The following VAPB variants were observed in gnomAD, a reference collection of about 807,000 sequenced individuals.
VAPB encodes VAMP associated protein B and C, also known as vesicle-associated membrane protein-associated protein B/C.
VAPB carries 7 observed loss-of-function variants against 25.6 expected under a neutral mutation model. That is an observed-to-expected ratio of 0.27 (90% CI 0.16 to 0.51). VAPB has a LOEUF of 0.51. Among genes scored for constraint, VAPB ranks in the 20% least tolerant of loss-of-function variants. The pLI is 0.97. For synonymous variants in VAPB, 112 were observed against 109.2 expected (o/e 1.03, Z -0.16); for missense variants, 266 against 301.3 (o/e 0.88, Z 0.87).
At chr20:58,430,269 A>T (rs1455188232) in intron 2 of VAPB, among the ~76,000 whole-genome samples, 2 of 147,366 alleles carry the variant, frequency 1.4e-5, no homozygotes, top group African/African-American at 5.1e-5. Context: ...TTTGAGGTGG[A>T]GTCTCTGTCG....
intron 1 of VAPB, among the ~76,000 whole-genome samples, chr20:58,394,156 A>G (rs1226793641): frequency 1.3e-5 from 2 of 152,236 alleles, no homozygotes; most frequent in Non-Finnish European, 2.9e-5. Flanking sequence ...GAGGGCACCA[A>G]TGAATCAGTG....
At chr20:58,435,436 A>T (rs1989022088) in intron 3 of VAPB, among the ~76,000 whole-genome samples, 1 of 152,172 alleles carries the variant, frequency 6.6e-6, no homozygotes, top group Non-Finnish European at 1.5e-5. Flanking sequence ...TTGTCCTTAC[A>T]GTTCAGGAAA....
intron 1 of VAPB, among the ~76,000 whole-genome samples, chr20:58,391,663 G>A (rs1987801862): frequency 6.6e-6 from 1 of 152,104 alleles, no homozygotes. Flanking sequence ...TGAGTAGCTG[G>A]GATTACATAC....
At chr20:58,441,214 C>G in intron 5 of VAPB, 131 bp downstream of exon 5, 1 of 1,021,480 alleles carries the variant, frequency 9.8e-7, no homozygotes. Flanking sequence ...TTTTTTCTCC[C>G]CAGGGAGAAA....
Position 58,450,102 on chromosome 20 carries a change from T to C in VAPB, c.*5867T>C. On this transcript the variant is annotated 3_prime_UTR_variant, in exon 6 of 6. Coordinates refer to ENST00000475243, the MANE Select transcript of VAPB (RefSeq NM_004738.5). ...TTGACTTGCCGGTTTTTCCATGTCA[T>C]ACAAAAAAGTCCTGGCTGTTTCTCC... The C allele has an allele frequency of 2.2e-6, 1 of 454,134 alleles. No homozygotes were observed. Among genetic ancestry groups the C allele is most frequent in the Non-Finnish European group, 4.4e-6 (1 of 226,782 alleles). The allele number at this position is 454,134 out of a possible 1,614,324, so 28.1% of individuals were successfully genotyped here. A position where few individuals can be genotyped will look rare whatever the true frequency, so the allele number is the denominator to read the frequency against.
chr20:58,449,103 C>T lies in VAPB; in HGVS notation c.*4868C>T, dbSNP rs74748993. On this transcript the variant is annotated 3_prime_UTR_variant, in exon 6 of 6. Transcript: ENST00000475243. ...AGTAATAGAAGCCCCTGATAAGGAG[C>T]GTCAGCCGACAGGCAAGCTTGGGAG... 26,787 of 454,006 alleles carry T rather than the reference C, an allele frequency of 0.059. 1,183 individuals are homozygous for T. The highest frequency in any genetic ancestry group is 0.085 in the Non-Finnish European group (19,275 of 226,750). The allele number at this position is 454,006 out of a possible 1,614,324, so 28.1% of individuals were successfully genotyped here.
intron 1 of VAPB, among the ~76,000 whole-genome samples, chr20:58,397,340 A>G (rs1987984853): frequency 6.6e-6 from 1 of 151,796 alleles, no homozygotes; most frequent in Admixed American, 6.6e-5. Flanking sequence ...ACCAACATGG[A>G]GAAACCCCAT....
intron 2 of VAPB, among the ~76,000 whole-genome samples, chr20:58,427,586 A>ATG (rs1988827468): frequency 1.4e-5 from 2 of 143,332 alleles, no homozygotes; most frequent in African/African-American, 2.6e-5. Flanking sequence ...TGATGCAGGC[A>ATG]AAAGTGATCT....
intron 1 of VAPB, 108 bp downstream of exon 1, chr20:58,389,625 C>G: frequency 1.6e-6 from 2 of 1,228,500 alleles, no homozygotes; most frequent in Non-Finnish European, 1.1e-6. Flanking sequence ...ACCCCGACGG[C>G]GCTGTCGCGG....
intron 1 of VAPB, among the ~76,000 whole-genome samples, chr20:58,391,624 G>A (rs1191168850): frequency 6.6e-6 from 1 of 152,044 alleles, no homozygotes; most frequent in Non-Finnish European, 1.5e-5. Flanking sequence ...TGCCTCCCAG[G>A]TTCAAGTGAT....
Position 58,414,804 on chromosome 20 carries a change from C to G in VAPB, c.59-3407C>G, listed in dbSNP as rs1195358180. Among the ~76,000 whole-genome samples, 3 of 152,226 alleles carry G rather than the reference C, an allele frequency of 2.0e-5. No homozygotes were observed. The East Asian group carries it at 5.8e-4, about 29-fold the overall frequency. On this transcript the variant is annotated intron_variant, in intron 1 of 5. Transcript: ENST00000475243. ...GATGGGTGGCCAGGCAGAGACGCTC[C>G]CCACTTCCCAGACGGGGTGGCGGCC...
intron 1 of VAPB, among the ~76,000 whole-genome samples, chr20:58,402,353 G>C (rs568862728): frequency 2.0e-4 from 30 of 152,100 alleles, no homozygotes; most frequent in Non-Finnish European, 3.4e-4. Flanking sequence ...CTAAAAATTA[G>C]TTGATTCCTT....
At position 58,444,058 on chromosome 20, in the gene VAPB, T is replaced by C. The variant is rs763651215; in HGVS notation, c.574-19T>C. The C allele has an allele frequency of 2.0e-5, 33 of 1,614,196 alleles. No homozygotes were observed. The highest frequency in any genetic ancestry group is 2.8e-5 in the Non-Finnish European group (33 of 1,180,040). ...CTGGTGCCTTGGCTTGTCTTTGAAA[T>C]GTGCGTTTGCTCCCGTAGGAAGAAG... On this transcript the variant is annotated intron_variant, in intron 5 of 5. Coordinates refer to ENST00000475243, the MANE Select transcript of VAPB (RefSeq NM_004738.5).
chr20:58,448,408 TC>T lies in VAPB; in HGVS notation c.*4175del. The T allele has an allele frequency of 2.2e-6, 1 of 454,096 alleles. No individual in the cohort carries two copies. Among genetic ancestry groups the T allele is most frequent in the Non-Finnish European group, 4.4e-6 (1 of 226,786 alleles). 28.1% of individuals were successfully genotyped at this position (454,096 alleles called of 1,614,324 possible). A position where few individuals can be genotyped will look rare whatever the true frequency, so the allele number is the denominator to read the frequency against. On this transcript the variant is annotated 3_prime_UTR_variant, in exon 6 of 6. Transcript: ENST00000475243. ...AAAGTTACTGTTGTTTCAATGCCAC[TC>T]CTTACCTGTATAGAACATTTCCAAT...
chr20:58,409,649 T>A (rs1394942265), intron 1 of VAPB, among the ~76,000 whole-genome samples: 2 of 152,346 alleles, frequency 1.3e-5, no homozygotes, highest in East Asian at 1.9e-4. Context: ...TAGCTTTTTT[T>A]ATGCAGAGTG....
intron 2 of VAPB, among the ~76,000 whole-genome samples, chr20:58,422,148 T>C (rs535498517): frequency 1.3e-5 from 2 of 152,198 alleles, no homozygotes; most frequent in Non-Finnish European, 2.9e-5. Context: ...TGAATCCTTT[T>C]CTTTGTCCTT....
At chr20:58,418,933 G>A (rs1372630727) in intron 2 of VAPB, among the ~76,000 whole-genome samples, 1 of 152,194 alleles carries the variant, frequency 6.6e-6, no homozygotes, top group African/African-American at 2.4e-5. Flanking sequence ...TTCTGTCTGG[G>A]AGTGCATGTA....
chr20:58,446,292 G>T lies in VAPB; in HGVS notation c.*2057G>T, dbSNP rs968946869. Reference sequence around the variant, plus strand: ...TCTGCCACCTGACTTTCCGTGAGGGGACTAAAATTTACTAATTGTAGTTGC... The same window carrying T: ...TCTGCCACCTGACTTTCCGTGAGGGTACTAAAATTTACTAATTGTAGTTGC... On this transcript the variant is annotated 3_prime_UTR_variant, in exon 6 of 6. Coordinates refer to ENST00000475243, the MANE Select transcript of VAPB (RefSeq NM_004738.5). 1 of 453,956 alleles carries T rather than the reference G, an allele frequency of 2.2e-6. No homozygotes were observed. The highest frequency in any genetic ancestry group is 2.0e-5 in the African/African-American group (1 of 49,986). 28.1% of individuals were successfully genotyped at this position (453,956 alleles called of 1,614,324 possible).
chr20:58,405,048 G>A (rs987489959), intron 1 of VAPB, among the ~76,000 whole-genome samples: 10 of 152,160 alleles, frequency 6.6e-5, no homozygotes, highest in Non-Finnish European at 1.5e-4. Flanking sequence ...CAGGCAGTAG[G>A]TGATAAATGG....
Sources: gnomAD v4.1 joint callset for allele counts (sites outside exome capture counted in the v4.1 genomes callset) on GRCh38, gnomAD v4.1.1 for gene constraint, MANE v1.5 for transcripts, NCBI Gene and HGNC (gene_info 2026-07-23, HGNC 2026-07-21) for gene names.